The following KYNU variants were observed in gnomAD, a reference collection of about 807,000 sequenced individuals.
KYNU encodes kynureninase.
A neutral mutation model predicts 59.2 loss-of-function variants in KYNU; 54 were observed. The ratio of observed to expected loss-of-function variants is 0.91; its 90% CI spans 0.73 to 1.14. The LOEUF is 1.14. Among genes scored for constraint, KYNU ranks in the 50% most tolerant of loss-of-function variants. The probability of loss-of-function intolerance (pLI) is 0.00; values close to 1 mark genes in which losing one functional copy is unlikely to be tolerated. For synonymous variants in KYNU, 177 were observed against 192.0 expected, an observed-to-expected ratio of 0.92 and a Z score of 0.65; for missense variants, 567 against 554.4, an observed-to-expected ratio of 1.02 and a Z score of -0.23.
Position 143,045,715 on chromosome 2 carries a change from G to T in KYNU, c.*3543G>T, listed in dbSNP as rs1188809429. 1 of 152,026 alleles carries T rather than the reference G, an allele frequency of 6.6e-6. No homozygotes were observed. The highest frequency in any genetic ancestry group is 2.4e-5 in the African/African-American group (1 of 41,406). The allele number at this position is 152,026 out of a possible 1,614,324, so 9.4% of individuals were successfully genotyped here. On this transcript the variant is annotated 3_prime_UTR_variant, in exon 14 of 14. Transcript: ENST00000264170. ...ATGTCTCTCTATGTAACTCAGGCAGGTCTCAAACTCCTGGGCTCAAATGAT... is the reference window on the plus strand; with the variant it reads ...ATGTCTCTCTATGTAACTCAGGCAGTTCTCAAACTCCTGGGCTCAAATGAT...
chr2:142,947,848 G>A (rs164735), intron 4 of KYNU: 14,095 of 152,292 alleles, frequency 0.093, 1,536 homozygotes, highest in African/African-American at 0.25. Flanking sequence ...CATCATGAAA[G>A]GCAGTATAGC....
chr2:142,981,607 C>A (rs16855227), intron 8 of KYNU, among the ~76,000 whole-genome samples: 6,671 of 152,054 alleles, frequency 0.044, 280 homozygotes, highest in East Asian at 0.21. Flanking sequence ...ACTTATATTA[C>A]AATGGAGCAC....
intron 1 of KYNU, among the ~76,000 whole-genome samples, chr2:142,882,140 C>T (rs1273355579): frequency 6.6e-6 from 1 of 151,916 alleles, no homozygotes; most frequent in African/African-American, 2.4e-5. Flanking sequence ...GCCCATATCC[C>T]AAAGCTAGAA....
intron 10 of KYNU, among the ~76,000 whole-genome samples, chr2:142,999,316 G>A (rs1217222635): frequency 6.6e-6 from 1 of 152,094 alleles, no homozygotes; most frequent in Non-Finnish European, 1.5e-5. Flanking sequence ...TGTGGATAAT[G>A]ATAGTATAAT....
chr2:142,881,903 T>C (rs899140330), intron 1 of KYNU, among the ~76,000 whole-genome samples: 3 of 142,206 alleles, frequency 2.1e-5, no homozygotes, highest in Admixed American at 7.3e-5. Context: ...ACCTGGCTTT[T>C]CTTTTCTTTT....
Position 142,985,061 on chromosome 2 carries a change from CTTA to C in KYNU, c.730-17_730-15del, listed in dbSNP as rs1424402343. ...TTCTAATCATGAAGCAAACTTAAAG[CTTA>C]TTATTGTGTTCTTCCCTAGGGTTGT... On this transcript the variant is annotated intron_variant, in intron 8 of 13. Transcript: ENST00000264170. 1 of 1,348,136 alleles carries C rather than the reference CTTA, an allele frequency of 7.4e-7. No homozygotes were observed. The highest frequency in any genetic ancestry group is 1.1e-6 in the Non-Finnish European group (1 of 938,008). The allele number at this position is 1,348,136 out of a possible 1,614,324, so 83.5% of individuals were successfully genotyped here.
chr2:142,883,897 A>G (rs1442212401), intron 1 of KYNU, among the ~76,000 whole-genome samples: 3 of 152,228 alleles, frequency 2.0e-5, no homozygotes, highest in Non-Finnish European at 4.4e-5. Context: ...GAGTCACATA[A>G]TAGGTACCAA....
At chr2:143,026,433 C>G (rs552747525) in intron 10 of KYNU, among the ~76,000 whole-genome samples, 4 of 152,362 alleles carry the variant, frequency 2.6e-5, no homozygotes, top group South Asian at 4.1e-4. Flanking sequence ...TACTCAGCCC[C>G]GCTCGCTGCT....
At chr2:142,972,205 A>G (rs1684746107) in intron 8 of KYNU, among the ~76,000 whole-genome samples, 2 of 152,282 alleles carry the variant, frequency 1.3e-5, no homozygotes, top group South Asian at 2.1e-4. Flanking sequence ...TTTCAAGCAT[A>G]TACTTTATTT....
intron 2 of KYNU, among the ~76,000 whole-genome samples, chr2:142,894,085 G>A (rs772157036): frequency 2.3e-4 from 35 of 152,156 alleles, no homozygotes; most frequent in Non-Finnish European, 3.2e-4. Context: ...CCACAAAGGC[G>A]TGGAAAATCT....
At position 142,956,226 on chromosome 2, in the gene KYNU, A is replaced by G; in HGVS notation, c.459A>G (p.Pro153=). The change falls in exon 6 of 14, where the codon CCA becomes CCG. Residue 153 remains proline, a synonymous_variant. Transcript: ENST00000264170. The part of the protein sequence containing the change: ...LLMLSFFKPT[P]KRYKILLEAK... ...AGTTATCATTTTTTAAGCCTACGCC[A>G]AAACGATATAAAATTCTTCTAGAAG... 2 of 1,601,980 alleles carry G rather than the reference A, an allele frequency of 1.2e-6. No homozygotes were observed. Among genetic ancestry groups the G allele is most frequent in the Non-Finnish European group, 1.7e-6 (2 of 1,169,712 alleles).
intron 3 of KYNU, among the ~76,000 whole-genome samples, chr2:142,921,463 C>A (rs1325629965): frequency 6.6e-6 from 1 of 152,136 alleles, no homozygotes; most frequent in Non-Finnish European, 1.5e-5. Context: ...GTATTCCCAG[C>A]ACTTTGGGAG....
chr2:142,966,325 T>C (rs923541055), intron 8 of KYNU, among the ~76,000 whole-genome samples: 5 of 152,220 alleles, frequency 3.3e-5, no homozygotes, highest in African/African-American at 9.6e-5. Flanking sequence ...AAAAGATTCA[T>C]GGTTGTGTCC....
chr2:142,899,730 CT>C (rs1216725745), intron 2 of KYNU, among the ~76,000 whole-genome samples: 1 of 152,116 alleles, frequency 6.6e-6, no homozygotes, highest in African/African-American at 2.4e-5. Context: ...AGTTTTATAG[CT>C]TTGATTCTGG....
At chr2:142,939,779 T>A (rs559685549) in intron 4 of KYNU, among the ~76,000 whole-genome samples, 1 of 151,968 alleles carries the variant, frequency 6.6e-6, no homozygotes, top group African/African-American at 2.4e-5. Context: ...AATTTACAAC[T>A]ATTATTGAAG....
At chr2:142,904,660 G>A (rs1682222924) in intron 2 of KYNU, among the ~76,000 whole-genome samples, 1 of 152,200 alleles carries the variant, frequency 6.6e-6, no homozygotes, top group Admixed American at 6.5e-5. Flanking sequence ...CATACACTCT[G>A]ACAAGGCCGA....
At chr2:142,934,673 C>T (rs1683327779) in intron 4 of KYNU, among the ~76,000 whole-genome samples, 1 of 152,158 alleles carries the variant, frequency 6.6e-6, no homozygotes. Flanking sequence ...GGCCTACCTG[C>T]CACCATCAGG....
intron 2 of KYNU, among the ~76,000 whole-genome samples, chr2:142,910,202 T>A (rs1682436088): frequency 7.0e-6 from 1 of 143,536 alleles, no homozygotes; most frequent in Non-Finnish European, 1.5e-5. Flanking sequence ...AGTGGTGTGA[T>A]CTCGGCTCAT....
intron 10 of KYNU, among the ~76,000 whole-genome samples, chr2:143,007,059 ATGACTT>A (rs1467101009): frequency 6.6e-6 from 1 of 152,182 alleles, no homozygotes; most frequent in Non-Finnish European, 1.5e-5. Context: ...TGGATGGAGA[ATGACTT>A]TGACGAGCTG....
Sources: gnomAD v4.1 joint callset for allele counts (sites outside exome capture counted in the v4.1 genomes callset) on GRCh38, gnomAD v4.1.1 for gene constraint, MANE v1.5 for transcripts, NCBI Gene and HGNC (gene_info 2026-07-23, HGNC 2026-07-21) for gene names.